CREBBP: variants seen among roughly 807,000 people sequenced by gnomAD.
CREBBP encodes CREB binding lysine acetyltransferase.
In CREBBP, 19 loss-of-function variants were observed where a neutral mutation model predicts 265.0. That is an observed-to-expected ratio of 0.07 (90% confidence interval 0.05 to 0.11). The LOEUF (loss-of-function observed/expected upper bound fraction) is 0.11. Among genes scored for constraint, CREBBP ranks in the 10% least tolerant of loss-of-function variants. The pLI is 1.00. For missense variants in CREBBP, 2,525 were observed against 3,219.0 expected (o/e 0.78, Z 5.22); for synonymous variants, 1,457 against 1,223.7 (o/e 1.19, Z -3.98).
chr16:3,869,712 C>G (rs1451916309), intron 1 of CREBBP, among the ~76,000 whole-genome samples: 1 of 152,146 alleles, frequency 6.6e-6, no homozygotes, highest in Admixed American at 6.5e-5. Context: ...CAGCGTAGAG[C>G]CGCCCTCCCA....
chr16:3,794,492 G>A, intron 3 of CREBBP, among the ~76,000 whole-genome samples: 1 of 152,048 alleles, frequency 6.6e-6, no homozygotes, highest in East Asian at 1.9e-4. Context: ...TGATTTCACA[G>A]CAACCATTAC....
intron 3 of CREBBP, among the ~76,000 whole-genome samples, chr16:3,796,010 G>T (rs1024269184): frequency 1.3e-5 from 2 of 152,084 alleles, no homozygotes; most frequent in Non-Finnish European, 2.9e-5. Flanking sequence ...CCCACATCCT[G>T]TATTTGGTTG....
At position 3,874,017 on chromosome 16, in the gene CREBBP, C is replaced by G. The variant is rs370498751; in HGVS notation, c.85+5815G>C. ...GGAAAGGCTCTGGAGTTCTTACTGA[C>G]GCTCACCTTCTGGTGTCACAGGAAG... On this transcript the variant is annotated intron_variant, in intron 1 of 30. Coordinates refer to ENST00000262367, the MANE Select transcript of CREBBP (RefSeq NM_004380.3). Among the ~76,000 whole-genome samples the G allele has an allele frequency of 5.9e-5, 9 of 152,262 alleles. No individual in the cohort carries two copies. In the South Asian group the frequency reaches 1.2e-3, roughly 21 times the overall value.
rs2151301901 is a variant in CREBBP at position 3,728,317 on chromosome 16, T to C, written c.6730A>G (p.Met2244Val). 1 of 1,612,276 alleles carries C rather than the reference T, an allele frequency of 6.2e-7. No homozygotes were observed. The highest frequency in any genetic ancestry group is 1.1e-5 in the South Asian group (1 of 91,014). The change falls in exon 31 of 31, where the codon ATG becomes GTG. Residue 2244 changes from methionine to valine, a missense_variant. By Grantham distance (21) the Met-to-Val change is conservative. Around this residue, in one of 19 missense-constraint regions of CREBBP, gnomAD observed 473 missense variants for 459.3 expected, o/e 1.03. Transcript: ENST00000262367. This position sits in a 1 kb window ranked among gnomAD's most constrained non-coding sequence, Gnocchi z 8.7. Reference protein sequence around the residue: ...PQGPGGYPPAMQQQQRMQQHL... With the variant: ...PQGPGGYPPAVQQQQRMQQHL... The stretch of plus-strand genomic sequence containing the variant: ...TGCTGCATGCGCTGCTGCTGCTGCA[T>C]GGCCGGTGGGTAGCCTCCGGGTCCT...
intron 1 of CREBBP, among the ~76,000 whole-genome samples, chr16:3,866,519 A>C (rs903974211): frequency 5.3e-5 from 8 of 152,234 alleles, no homozygotes; most frequent in Non-Finnish European, 1.0e-4. Context: ...TCACCATTTA[A>C]CAGATTCTCT....
Position 3,810,760 on chromosome 16 carries a change from G to C in CREBBP, c.818C>G (p.Thr273Arg), listed in dbSNP as rs1478444856. Residue 273 changes from threonine (T) to arginine (R), a missense_variant, in exon 3 of 31, where the codon ACA (threonine) becomes AGA (arginine). Physicochemically the swap from Thr to Arg is moderately conservative, Grantham distance 71 (BLOSUM62 -1). Around this residue, in one of 19 missense-constraint regions of CREBBP, gnomAD observed 126 missense variants for 171.9 expected, o/e 0.73. Transcript: ENST00000262367. ...ACTAAAGGGCTGTCCAAATGGACTT[G>C]TGTTCCCAGTTATTCCCATCTGAAA... The part of the protein sequence containing the change: ...GMAKMGITGN[T>R]SPFGQPFSQA... 2 of 1,613,814 alleles carry C rather than the reference G, an allele frequency of 1.2e-6. No individual in the cohort carries two copies. Among genetic ancestry groups the C allele is most frequent in the Non-Finnish European group, 1.7e-6 (2 of 1,180,004 alleles).
Position 3,773,947 on chromosome 16 carries a change from A to G in CREBBP, c.2284-17T>C. Reference sequence around the variant, plus strand: ...AATGGCCATCTACGAGACAACAAGCACCACCAGAGCTGTAGTTCGGAAGCT... The same window carrying G: ...AATGGCCATCTACGAGACAACAAGCGCCACCAGAGCTGTAGTTCGGAAGCT... On this transcript the variant is annotated splice_polypyrimidine_tract_variant and intron_variant, in intron 12 of 30. Transcript: ENST00000262367. The G allele has an allele frequency of 1.2e-6, 2 of 1,612,168 alleles. No individual in the cohort carries two copies. Among genetic ancestry groups the G allele is most frequent in the Non-Finnish European group, 1.7e-6 (2 of 1,179,986 alleles).
At chr16:3,874,634 A>G (rs1205022673) in intron 1 of CREBBP, among the ~76,000 whole-genome samples, 1 of 152,170 alleles carries the variant, frequency 6.6e-6, no homozygotes, top group Non-Finnish European at 1.5e-5. Flanking sequence ...GACCCATAAT[A>G]GGCTAAAAAG....
chr16:3,859,697 A>T (rs1187549855), intron 1 of CREBBP, among the ~76,000 whole-genome samples: 1 of 152,168 alleles, frequency 6.6e-6, no homozygotes, highest in East Asian at 1.9e-4. Context: ...AATCATGCCT[A>T]TGTAATGAAG....
chr16:3,781,819 C>T (rs2053279306), intron 6 of CREBBP, among the ~76,000 whole-genome samples: 1 of 152,114 alleles, frequency 6.6e-6, no homozygotes, highest in South Asian at 2.1e-4. Flanking sequence ...CAAATTATAC[C>T]ATCAACAGGA....
chr16:3,830,904 C>T (rs905167675), intron 2 of CREBBP, among the ~76,000 whole-genome samples: 1 of 152,118 alleles, frequency 6.6e-6, no homozygotes, highest in South Asian at 2.1e-4. Context: ...ATCTCAGCCC[C>T]CTCAAGCAGC....
At chr16:3,775,852 G>A (rs9932379) in intron 11 of CREBBP, among the ~76,000 whole-genome samples, 1,938 of 152,018 alleles carry the variant, frequency 0.013, 55 homozygotes, top group African/African-American at 0.044. Context: ...CTGAAGTCCT[G>A]GACCAATCCC....
chr16:3,859,041 A>G (rs2055019558), intron 1 of CREBBP, among the ~76,000 whole-genome samples: 1 of 151,944 alleles, frequency 6.6e-6, no homozygotes, highest in African/African-American at 2.4e-5. Context: ...TCCTGTGAAA[A>G]AGGTCTCCTT....
chr16:3,778,288 G>C, intron 9 of CREBBP, 106 bp from the exon 10 acceptor site: 1 of 923,000 alleles, frequency 1.1e-6, no homozygotes, highest in Non-Finnish European at 1.7e-6. Flanking sequence ...GAGTACACTG[G>C]CAAAAGTAGT....
At chr16:3,806,529 A>G (rs1437541670) in intron 3 of CREBBP, among the ~76,000 whole-genome samples, 4 of 152,086 alleles carry the variant, frequency 2.6e-5, no homozygotes, top group Non-Finnish European at 5.9e-5. Flanking sequence ...GGAGAACCTG[A>G]AGATGAGGCC....
rs371497730 is a variant in CREBBP, at chr16:3,728,597, C to G, written c.6450G>C (p.Pro2150=). The G allele has an allele frequency of 2.5e-6, 4 of 1,613,760 alleles. No individual in the cohort carries two copies. Among genetic ancestry groups the G allele is most frequent in the Non-Finnish European group, 3.4e-6 (4 of 1,179,960 alleles). Residue 2150 remains proline, a synonymous_variant, in exon 31 of 31, where the codon CCG becomes CCC. Coordinates refer to ENST00000262367, the MANE Select transcript of CREBBP (RefSeq NM_004380.3). This position sits in a 1 kb window ranked among gnomAD's most constrained non-coding sequence, Gnocchi z 8.7. ...GCTGCTGTGGAGGCACACCGGGCCG[C>G]GGCACGCCAGCCTGCATGGCATTCA... ...QNLNAMQAGV[P]RPGVPPQQQA... is the part of the protein sequence containing the mutation.
chr16:3,813,260 T>C (rs1220906945), intron 2 of CREBBP, among the ~76,000 whole-genome samples: 2 of 152,222 alleles, frequency 1.3e-5, no homozygotes, highest in Non-Finnish European at 2.9e-5. Context: ...AATCACATTC[T>C]TGTCACCACT....
At chr16:3,845,445 T>C (rs1200048956) in intron 2 of CREBBP, among the ~76,000 whole-genome samples, 2 of 152,068 alleles carry the variant, frequency 1.3e-5, no homozygotes, top group African/African-American at 4.8e-5. Flanking sequence ...GAGAATAAAG[T>C]GTATACCAAA....
intron 2 of CREBBP, among the ~76,000 whole-genome samples, chr16:3,817,736 G>T (rs571543311): frequency 6.6e-6 from 1 of 152,124 alleles, no homozygotes; most frequent in Non-Finnish European, 1.5e-5. Flanking sequence ...CTCTTCTGTC[G>T]AAAAGGTCAG....
Sources: gnomAD v4.1 joint callset for allele counts (sites outside exome capture counted in the v4.1 genomes callset) on GRCh38, gnomAD v4.1.1 for gene constraint, gnomAD v4.1.1 regional missense constraint, Gnocchi (gnomAD v3.1) non-coding constraint, MANE v1.5 for transcripts, NCBI Gene and HGNC (gene_info 2026-07-23, HGNC 2026-07-21) for gene names.